The following ADCK1 variants were observed in gnomAD, a reference collection of about 807,000 sequenced individuals.
ADCK1 encodes aarF domain containing kinase 1.
ADCK1 carries 41 observed loss-of-function variants against 52.3 expected under a neutral mutation model. That is an observed-to-expected ratio of 0.78 (90% CI 0.61 to 1.02). The LOEUF (loss-of-function observed/expected upper bound fraction) is 1.02, where lower values mean the gene tolerates loss of function less well. Among genes scored for constraint, ADCK1 ranks in the 50% least tolerant of loss-of-function variants. ADCK1 has a pLI of 0.00. For missense variants in ADCK1, 658 were observed against 679.5 expected, an observed-to-expected ratio of 0.97 and a Z score of 0.35; for synonymous variants, 250 against 274.6, an observed-to-expected ratio of 0.91 and a Z score of 0.89.
chr14:77,904,501 A>G (rs1341449537), intron 6 of ADCK1, among the ~76,000 whole-genome samples: 2 of 152,228 alleles, frequency 1.3e-5, no homozygotes, highest in Non-Finnish European at 2.9e-5. Flanking sequence ...GCCTAGGGTG[A>G]TGGGCACTGT....
At chr14:77,828,112 G>A in intron 3 of ADCK1, 1 of 185,892 alleles carries the variant, frequency 5.4e-6, no homozygotes. Flanking sequence ...ACAGGCATGA[G>A]CCACTGCGCC....
chr14:77,884,144 T>C (rs1347296432), intron 4 of ADCK1, among the ~76,000 whole-genome samples: 1 of 152,194 alleles, frequency 6.6e-6, no homozygotes, highest in African/African-American at 2.4e-5. Flanking sequence ...TCTCAGACAA[T>C]GAGCACATGT....
chr14:77,889,393 G>C (rs1355796365), intron 5 of ADCK1, among the ~76,000 whole-genome samples: 1 of 152,130 alleles, frequency 6.6e-6, no homozygotes, highest in African/African-American at 2.4e-5. Flanking sequence ...CTATTTTCAG[G>C]ACACAGTTGA....
At chr14:77,849,320 C>T (rs55692483) in intron 3 of ADCK1, among the ~76,000 whole-genome samples, 29,186 of 152,228 alleles carry the variant, frequency 0.19, 3,935 homozygotes, top group African/African-American at 0.37. Flanking sequence ...GCAATCCTCC[C>T]GCCTTGGCCT....
chr14:77,847,661 C>T (rs572293663), intron 3 of ADCK1, among the ~76,000 whole-genome samples: 4 of 152,316 alleles, frequency 2.6e-5, no homozygotes, highest in South Asian at 2.1e-4. Context: ...GATTGTTTCC[C>T]TTTTCCCACT....
intron 4 of ADCK1, among the ~76,000 whole-genome samples, chr14:77,880,497 G>C (rs571148237): frequency 6.6e-6 from 1 of 152,344 alleles, no homozygotes; most frequent in Non-Finnish European, 1.5e-5. Context: ...TCCTTGAGCT[G>C]TTATTGCCAT....
At chr14:77,889,747 T>G (rs2083240130) in intron 5 of ADCK1, among the ~76,000 whole-genome samples, 1 of 152,136 alleles carries the variant, frequency 6.6e-6, no homozygotes, top group Admixed American at 6.5e-5. Context: ...AAAATAGTGC[T>G]CTTGGCAGTT....
intron 7 of ADCK1, chr14:77,914,403 C>G: frequency 1.0e-6 from 1 of 985,446 alleles, no homozygotes; most frequent in South Asian, 4.7e-5. Context: ...TATGCTTCTT[C>G]TAGTAGTTCT....
At chr14:77,815,520 A>ATT (rs371572865) in intron 1 of ADCK1, among the ~76,000 whole-genome samples, 11 of 131,122 alleles carry the variant, frequency 8.4e-5, no homozygotes, top group South Asian at 2.4e-4. Flanking sequence ...AGGCACCTGC[A>ATT]TTTTTTTTTT....
At chr14:77,842,884 C>CTTTTCT (rs1225970669) in intron 3 of ADCK1, among the ~76,000 whole-genome samples, 7 of 136,154 alleles carry the variant, frequency 5.1e-5, no homozygotes, top group South Asian at 2.3e-4. Context: ...CTTTTCTTTT[C>CTTTTCT]TTTCTTTCTT....
rs985246036 is a variant in ADCK1, at chr14:77,924,582, C to T, written c.984C>T (p.Val328=). Residue 328 remains valine (V), a synonymous_variant, in exon 8 of 11, where the codon GTC becomes GTT. Coordinates refer to ENST00000238561, the MANE Select transcript of ADCK1 (RefSeq NM_020421.4). ...KHPGTGKAEI[V]LLDHGLYQML... is the part of the protein sequence containing the mutation. ...CCGGCACGGGAAAGGCGGAGATTGT[C>T]CTGTTGGACCATGGGCTTTACCAGG... The T allele has an allele frequency of 6.2e-7, 1 of 1,613,658 alleles. No homozygotes were observed. The highest frequency in any genetic ancestry group is 1.7e-5 in the Admixed American group (1 of 60,036).
chr14:77,886,226 T>A (rs1230664812), intron 4 of ADCK1, among the ~76,000 whole-genome samples: 2 of 152,204 alleles, frequency 1.3e-5, no homozygotes, highest in African/African-American at 4.8e-5. Context: ...AAAAGGCAGT[T>A]GTTGGTCTGG....
intron 4 of ADCK1, among the ~76,000 whole-genome samples, chr14:77,877,708 G>A (rs1432324624): frequency 1.3e-5 from 2 of 152,146 alleles, no homozygotes; most frequent in Non-Finnish European, 2.9e-5. Flanking sequence ...GGGTTCAAAC[G>A]ATTCTCCTGC....
chr14:77,826,036 A>G (rs902441110), intron 3 of ADCK1, among the ~76,000 whole-genome samples: 5 of 152,218 alleles, frequency 3.3e-5, no homozygotes, highest in African/African-American at 9.6e-5. Context: ...CATGTAAGTC[A>G]TCTGAAAGGC....
chr14:77,851,580 T>A (rs2082286235), intron 3 of ADCK1, among the ~76,000 whole-genome samples: 1 of 152,220 alleles, frequency 6.6e-6, no homozygotes, highest in Non-Finnish European at 1.5e-5. Context: ...TCTTTTGGAT[T>A]GGGTATTTTT....
rs185866838 is a variant in ADCK1, at chr14:77,871,469, C to T, written c.423+12190C>T. On this transcript the variant is annotated intron_variant, in intron 4 of 10. Transcript: ENST00000238561. ...GCCTCCCGGGTTCAAGCGATTGTCCCGCCTCAGCCTCCCAAGTAGCTGGGA... is the reference window on the plus strand; with the variant it reads ...GCCTCCCGGGTTCAAGCGATTGTCCTGCCTCAGCCTCCCAAGTAGCTGGGA... Among the ~76,000 whole-genome samples, 79 of 152,136 alleles carry T rather than the reference C, an allele frequency of 5.2e-4. No homozygotes were observed. The East Asian group carries it at 0.011, about 22-fold the overall frequency.
intron 7 of ADCK1, chr14:77,914,482 C>T (rs576063158): frequency 4.1e-5 from 40 of 985,410 alleles, no homozygotes; most frequent in African/African-American, 7.0e-5. Context: ...AATGATTTCT[C>T]GAGCAGCTAC....
chr14:77,833,066 G>A (rs1402396613), intron 3 of ADCK1, among the ~76,000 whole-genome samples: 2 of 152,164 alleles, frequency 1.3e-5, no homozygotes, highest in Non-Finnish European at 2.9e-5. Flanking sequence ...GTTGGGGGTA[G>A]GGGGGCAGAA....
At chr14:77,852,881 G>GTATATATATATA (rs1250184497) in intron 3 of ADCK1, among the ~76,000 whole-genome samples, 57 of 29,560 alleles carry the variant, frequency 1.9e-3, no homozygotes, top group Non-Finnish European at 2.6e-3. Context: ...TCTTTTATGT[G>GTATATATATATA]TGTATATATA....
Sources: gnomAD v4.1 joint callset for allele counts (sites outside exome capture counted in the v4.1 genomes callset) on GRCh38, gnomAD v4.1.1 for gene constraint, MANE v1.5 for transcripts, NCBI Gene and HGNC (gene_info 2026-07-23, HGNC 2026-07-21) for gene names.